Variants in PCMTD1 observed in about 807,000 individuals in gnomAD.
PCMTD1 encodes protein-L-isoaspartate (D-aspartate) O-methyltransferase domain containing 1, also known as protein-L-isoaspartate O-methyltransferase domain-containing protein 1.
A neutral mutation model predicts 37.6 loss-of-function variants in PCMTD1; 12 were observed. That is an observed-to-expected ratio of 0.32 (90% CI 0.20 to 0.52). PCMTD1 has a LOEUF of 0.52. Ranked by LOEUF, PCMTD1 falls within the 20% of genes least tolerant of loss-of-function variation. PCMTD1 has a pLI of 0.97. For synonymous variants in PCMTD1, 117 were observed against 135.8 expected (o/e 0.86, Z 0.96); for missense variants, 235 against 421.3 (o/e 0.56, Z 3.87).
At chr8:51,836,158 G>C (rs7015360) in intron 3 of PCMTD1, among the ~76,000 whole-genome samples, 8,015 of 152,174 alleles carry the variant, frequency 0.053, 219 homozygotes, top group African/African-American at 0.076. Context: ...ATCAGAGAAG[G>C]GCTCCCTGAG....
At chr8:51,890,404 T>G (rs911929184) in intron 1 of PCMTD1, among the ~76,000 whole-genome samples, 1 of 152,202 alleles carries the variant, frequency 6.6e-6, no homozygotes, top group African/African-American at 2.4e-5. Context: ...GTATGAAGAC[T>G]GACCAGAAAA....
At chr8:51,859,346 A>G (rs1340777205) in intron 2 of PCMTD1, among the ~76,000 whole-genome samples, 1 of 152,158 alleles carries the variant, frequency 6.6e-6, no homozygotes, top group Non-Finnish European at 1.5e-5. Flanking sequence ...GATAGAAGTG[A>G]CAGATATCTG....
chr8:51,858,847 ACTAT>A (rs1192422774), intron 2 of PCMTD1, among the ~76,000 whole-genome samples: 2 of 152,198 alleles, frequency 1.3e-5, no homozygotes, highest in Non-Finnish European at 2.9e-5. Context: ...ACAGGAGGAA[ACTAT>A]CTAGTGCATT....
At chr8:51,852,429 G>A (rs1271282117) in intron 2 of PCMTD1, among the ~76,000 whole-genome samples, 2 of 152,168 alleles carry the variant, frequency 1.3e-5, no homozygotes, top group African/African-American at 4.8e-5. Flanking sequence ...GCATACCACA[G>A]AAGTAAATGT....
intron 1 of PCMTD1, among the ~76,000 whole-genome samples, chr8:51,865,869 G>A (rs1462176036): frequency 6.6e-6 from 1 of 151,606 alleles, no homozygotes; most frequent in Non-Finnish European, 1.5e-5. Flanking sequence ...AGCAAAAATT[G>A]AAAATACCTA....
intron 1 of PCMTD1, among the ~76,000 whole-genome samples, chr8:51,876,399 A>C (rs906888224): frequency 4.6e-5 from 7 of 152,090 alleles, no homozygotes; most frequent in African/African-American, 1.2e-4. Context: ...CACACACAAA[A>C]AAAAATAGAA....
chr8:51,859,645 A>T (rs2038442955), intron 2 of PCMTD1, among the ~76,000 whole-genome samples: 1 of 152,168 alleles, frequency 6.6e-6, no homozygotes, highest in Non-Finnish European at 1.5e-5. Context: ...GTGACCACAT[A>T]ATTTATTGTC....
At chr8:51,895,428 T>TA (rs2038986240) in intron 1 of PCMTD1, among the ~76,000 whole-genome samples, 1 of 152,330 alleles carries the variant, frequency 6.6e-6, no homozygotes, top group African/African-American at 2.4e-5. Flanking sequence ...AAGAGTGTTT[T>TA]ATGCAAATTA....
chr8:51,827,535 G>A (rs1163533979), intron 5 of PCMTD1, among the ~76,000 whole-genome samples: 2 of 152,044 alleles, frequency 1.3e-5, no homozygotes, highest in African/African-American at 4.8e-5. Context: ...CTTAGCAGCT[G>A]CCTCAGTTAT....
rs1436416448 is a variant in PCMTD1 at position 51,819,505 on chromosome 8, T to A, written c.*846A>T. 6.6e-6 allele frequency: 1 copy of A among 152,428 alleles called. No individual in the cohort carries two copies. The highest frequency in any genetic ancestry group is 2.1e-4 in the South Asian group (1 of 4,832). The allele number at this position is 152,428 out of a possible 1,614,324, so 9.4% of individuals were successfully genotyped here. A position where few individuals can be genotyped will look rare whatever the true frequency, so the allele number is the denominator to read the frequency against. On this transcript the variant is annotated 3_prime_UTR_variant, in exon 6 of 6. Transcript: ENST00000522514. ...TCCTATCAAGAGTCACACATAACAATGGTTTTGCTTTTTTTAAAAAACCAA... is the reference window on the plus strand; with the variant it reads ...TCCTATCAAGAGTCACACATAACAAAGGTTTTGCTTTTTTTAAAAAACCAA...
Position 51,828,332 on chromosome 8 carries a change from G to A in PCMTD1, c.706+3112C>T, listed in dbSNP as rs572899309. On this transcript the variant is annotated intron_variant, in intron 5 of 5. Coordinates refer to ENST00000522514, the MANE Select transcript of PCMTD1 (RefSeq NM_052937.4). ...ATTCTAGTGTTTGAAAACTAGGAAG[G>A]AGAAAACAGTTTTGTTACTATTGTT... 4.1e-4 allele frequency among the ~76,000 whole-genome samples: 63 copies of A among 152,230 alleles called. 1 individual carries two copies. The South Asian group carries it at 0.013, about 31-fold the overall frequency.
intron 3 of PCMTD1, among the ~76,000 whole-genome samples, chr8:51,835,072 C>T (rs2038050734): frequency 6.6e-6 from 1 of 152,162 alleles, no homozygotes; most frequent in South Asian, 2.1e-4. Flanking sequence ...AGTCTACCAT[C>T]AAGTCTTTCT....
intron 1 of PCMTD1, among the ~76,000 whole-genome samples, chr8:51,878,982 C>T (rs1285855647): frequency 6.6e-6 from 1 of 151,994 alleles, no homozygotes; most frequent in African/African-American, 2.4e-5. Context: ...AAATATTAGC[C>T]AGGTGTGGTA....
At chr8:51,855,368 CAA>C (rs753723719) in intron 2 of PCMTD1, among the ~76,000 whole-genome samples, 15 of 129,740 alleles carry the variant, frequency 1.2e-4, no homozygotes, top group African/African-American at 1.1e-4. Context: ...TCTTTAATAC[CAA>C]AAAAAAAAAA....
chr8:51,865,768 C>A (rs1399346342), intron 1 of PCMTD1, among the ~76,000 whole-genome samples: 8 of 151,774 alleles, frequency 5.3e-5, no homozygotes, highest in Non-Finnish European at 1.2e-4. Context: ...ATAAGGATTT[C>A]TATTCTTAAC....
chr8:51,899,077 C>A (rs2039058644), upstream of PCMTD1: 6 of 1,493,312 alleles, frequency 4.0e-6, 1 homozygote, highest in Admixed American at 2.2e-5. Context: ...GCAGCCAGAG[C>A]CTCCCGGACT....
In PCMTD1 at chr8:51,850,655, TA is replaced by T. The variant is rs1272162258; in HGVS notation, c.308-4893del. On this transcript the variant is annotated intron_variant, in intron 2 of 5. Transcript: ENST00000522514. ...AACATCAAGAGTTAACAGCTACCAA[TA>T]AAAGTATTTTGGCTAAAACTAAATA... 2.0e-5 allele frequency among the ~76,000 whole-genome samples: 3 copies of T among 152,274 alleles called. No homozygotes were observed. In the East Asian group the frequency reaches 5.8e-4, roughly 29 times the overall value.
At chr8:51,898,878 C>G in intron 1 of PCMTD1, 52 bp downstream of exon 1, 1 of 1,260,950 alleles carries the variant, frequency 7.9e-7, no homozygotes, top group Non-Finnish European at 1.0e-6. Context: ...GGCCCTAGCA[C>G]GCGGGACTCG....
chr8:51,842,452 A>G (rs1563342072), intron 3 of PCMTD1, among the ~76,000 whole-genome samples: 1 of 151,924 alleles, frequency 6.6e-6, no homozygotes, highest in Admixed American at 6.6e-5. Context: ...GTAGTTGGGA[A>G]TACAGGTATG....
Sources: gnomAD v4.1 joint callset for allele counts (sites outside exome capture counted in the v4.1 genomes callset) on GRCh38, gnomAD v4.1.1 for gene constraint, MANE v1.5 for transcripts, NCBI Gene and HGNC (gene_info 2026-07-23, HGNC 2026-07-21) for gene names.